Variants in GRK5 observed in about 807,000 individuals in gnomAD.
The protein encoded by GRK5 is g protein-coupled receptor kinase GRK5.
Under a neutral mutation model 78.4 loss-of-function variants are expected in GRK5, and 40 were observed. The observed-to-expected ratio is 0.51, with a 90% CI of 0.40 to 0.66. The LOEUF (loss-of-function observed/expected upper bound fraction) is 0.66. Among genes scored for constraint, GRK5 ranks in the 30% least tolerant of loss-of-function variants. GRK5 has a pLI of 0.00. For missense variants in GRK5, 598 were observed against 759.9 expected, an observed-to-expected ratio of 0.79 and a Z score of 2.50; for synonymous variants, 289 against 296.8, an observed-to-expected ratio of 0.97 and a Z score of 0.27.
chr10:119,313,091 GGTGGTGATGGTAATGATGGTA>G (rs1850408280), intron 1 of GRK5, among the ~76,000 whole-genome samples: 1 of 149,870 alleles, frequency 6.7e-6, no homozygotes, highest in African/African-American at 2.5e-5. Context: ...TGGTGGTGAT[GGTGGTGATGGTAATGATGGTA>G]GTGGTGATGG....
chr10:119,209,498 T>TGG (rs1848448853), intron 1 of GRK5, among the ~76,000 whole-genome samples: 1 of 55,770 alleles, frequency 1.8e-5, no homozygotes, highest in African/African-American at 8.7e-5. Flanking sequence ...TTTTTTTTTT[T>TGG]TTTTTTTTTT....
chr10:119,281,518 C>T (rs531557021), intron 1 of GRK5, among the ~76,000 whole-genome samples: 16 of 152,316 alleles, frequency 1.1e-4, no homozygotes, highest in East Asian at 3.9e-4. Context: ...TGCTTGTATG[C>T]GGATGCTTGT....
chr10:119,313,148 G>GATGGTGGTGGTA (rs1850413260), intron 1 of GRK5, among the ~76,000 whole-genome samples: 1 of 151,686 alleles, frequency 6.6e-6, no homozygotes, highest in African/African-American at 2.4e-5. Context: ...TGGTAGTGGT[G>GATGGTGGTGGTA]ATGGTGGTGG....
At position 119,431,727 on chromosome 10, in the gene GRK5, G is replaced by T. The variant is rs1468195274; in HGVS notation, c.738+200G>T. Among the ~76,000 whole-genome samples the T allele has an allele frequency of 6.6e-6, 1 of 152,234 alleles. No individual in the cohort carries two copies. The highest frequency in any genetic ancestry group is 6.5e-5 in the Admixed American group (1 of 15,282). ...ATTGTGGTCGACTGTGGCTGGCTTTGTCCCATCCCCAGAGCCGGCCAGTGC... is the reference window on the plus strand; with the variant it reads ...ATTGTGGTCGACTGTGGCTGGCTTTTTCCCATCCCCAGAGCCGGCCAGTGC... On this transcript the variant is annotated intron_variant, in intron 8 of 15. Transcript: ENST00000392870. This position sits in a 1 kb window ranked among gnomAD's most constrained non-coding sequence, Gnocchi z 4.8.
chr10:119,407,829 A>C (rs1343978715), intron 4 of GRK5, among the ~76,000 whole-genome samples: 1 of 152,036 alleles, frequency 6.6e-6, no homozygotes, highest in Admixed American at 6.5e-5. Context: ...TTTGAGACCT[A>C]CCTGGGCAAC....
At chr10:119,450,598 AC>A (rs1853260013) in intron 13 of GRK5, among the ~76,000 whole-genome samples, 1 of 152,152 alleles carries the variant, frequency 6.6e-6, no homozygotes, top group African/African-American at 2.4e-5. Context: ...GGTCAGAGCG[AC>A]CAACTGTCCT....
intron 1 of GRK5, among the ~76,000 whole-genome samples, chr10:119,240,224 G>A (rs1207459142): frequency 1.8e-5 from 2 of 108,858 alleles, no homozygotes; most frequent in African/African-American, 3.8e-5. Context: ...TTTTTGAGAC[G>A]GAGTCTCACT....
intron 2 of GRK5, among the ~76,000 whole-genome samples, chr10:119,346,711 T>C (rs529892322): frequency 5.1e-4 from 78 of 152,208 alleles, no homozygotes; most frequent in African/African-American, 1.8e-3. Flanking sequence ...CTCCTGGGCC[T>C]CCCAGGAAGA....
At position 119,214,459 on chromosome 10, in the gene GRK5, A is replaced by G. The variant is rs12775857; in HGVS notation, c.52+6490A>G. 5.8e-3 allele frequency among the ~76,000 whole-genome samples: 886 copies of G among 152,214 alleles called. 4 individuals carry two copies. Among genetic ancestry groups the G allele is most frequent in the Non-Finnish European group, 9.6e-3 (650 of 68,010 alleles). On this transcript the variant is annotated intron_variant, in intron 1 of 15. Coordinates refer to ENST00000392870, the MANE Select transcript of GRK5 (RefSeq NM_005308.3). The stretch of plus-strand genomic sequence containing the variant: ...GATTTAAGCATAATTAAAAGGTTAT[A>G]CTTGAGGGATAGACCTGAATCTGGA...
At chr10:119,404,951 G>C (rs142177462) in intron 4 of GRK5, among the ~76,000 whole-genome samples, 1 of 152,228 alleles carries the variant, frequency 6.6e-6, no homozygotes, top group Admixed American at 6.5e-5. Context: ...ATGGGGAAGC[G>C]CCTGCGTGAC....
chr10:119,212,010 G>C (rs1311500955), intron 1 of GRK5, among the ~76,000 whole-genome samples: 1 of 152,164 alleles, frequency 6.6e-6, no homozygotes, highest in Non-Finnish European at 1.5e-5. Flanking sequence ...CATACGTGGA[G>C]GCATACGTAC....
intron 1 of GRK5, among the ~76,000 whole-genome samples, chr10:119,236,361 GC>G (rs1848928870): frequency 6.6e-6 from 1 of 151,368 alleles, no homozygotes; most frequent in East Asian, 2.0e-4. Flanking sequence ...GACTACAGGC[GC>G]CCGCACCTCA....
chr10:119,355,561 A>G (rs1351985764), intron 2 of GRK5, among the ~76,000 whole-genome samples: 15 of 152,198 alleles, frequency 9.9e-5, no homozygotes. Flanking sequence ...TGGGTGGATC[A>G]TGAGGTCAGG....
At chr10:119,290,729 C>T (rs949878699) in intron 1 of GRK5, among the ~76,000 whole-genome samples, 3 of 151,946 alleles carry the variant, frequency 2.0e-5, no homozygotes, top group Admixed American at 6.6e-5. Context: ...ATCCCACCTC[C>T]GGGGAGCCTT....
At chr10:119,429,010 C>A (rs1428381136) in intron 6 of GRK5, among the ~76,000 whole-genome samples, 1 of 152,224 alleles carries the variant, frequency 6.6e-6, no homozygotes, top group Non-Finnish European at 1.5e-5. Context: ...TTTCCGGGGG[C>A]GGCTGTAGGG....
chr10:119,443,279 G>A (rs1022647416), intron 11 of GRK5, among the ~76,000 whole-genome samples: 1 of 152,154 alleles, frequency 6.6e-6, no homozygotes, highest in Non-Finnish European at 1.5e-5. Flanking sequence ...TTACGGTAGT[G>A]AATAAAGTAG....
At chr10:119,450,805 T>C (rs1853267162) in intron 13 of GRK5, among the ~76,000 whole-genome samples, 1 of 152,066 alleles carries the variant, frequency 6.6e-6, no homozygotes, top group African/African-American at 2.4e-5. Flanking sequence ...GCCTCAGCCG[T>C]GTACCCTGTG....
At position 119,445,029 on chromosome 10, in the gene GRK5, C is replaced by T. The variant is rs1243841802; in HGVS notation, c.1266+1277C>T. Among the ~76,000 whole-genome samples the T allele has an allele frequency of 6.6e-6, 1 of 152,212 alleles. No individual in the cohort carries two copies. Among genetic ancestry groups the T allele is most frequent in the Non-Finnish European group, 1.5e-5 (1 of 68,038 alleles). ...CTTGGCCCCTTCCTGTCACCAACCT[C>T]ATCCTCACATCACAGAGCTGTGGGA... On this transcript the variant is annotated intron_variant, in intron 12 of 15. Transcript: ENST00000392870. This position sits in a 1 kb window ranked among gnomAD's most constrained non-coding sequence, Gnocchi z 4.1.
At chr10:119,409,156 C>T (rs1852292712) in intron 4 of GRK5, among the ~76,000 whole-genome samples, 2 of 152,212 alleles carry the variant, frequency 1.3e-5, no homozygotes, top group South Asian at 2.1e-4. Flanking sequence ...TTCCACTCTG[C>T]GCTGTGTCCT....
Sources: gnomAD v4.1 joint callset for allele counts (sites outside exome capture counted in the v4.1 genomes callset) on GRCh38, gnomAD v4.1.1 for gene constraint, Gnocchi (gnomAD v3.1) non-coding constraint, MANE v1.5 for transcripts, NCBI Gene and HGNC (gene_info 2026-07-23, HGNC 2026-07-21) for gene names.